PPP2R2B: variants seen among roughly 807,000 people sequenced by gnomAD.
PPP2R2B encodes the protein protein phosphatase 2 regulatory subunit Bbeta, also known as serine/threonine-protein phosphatase 2A 55 kDa regulatory subunit B beta isoform.
PPP2R2B carries 5 observed loss-of-function variants against 46.0 expected under a neutral mutation model. The observed-to-expected ratio is 0.11, with a 90% CI of 0.06 to 0.23. The LOEUF is 0.23. Ranked by LOEUF, PPP2R2B falls within the 10% of genes least tolerant of loss-of-function variation. The probability of loss-of-function intolerance (pLI) is 1.00; values close to 1 mark genes in which losing one functional copy is unlikely to be tolerated. For missense variants in PPP2R2B, 367 were observed against 575.0 expected (o/e 0.64, Z 3.70); for synonymous variants, 215 against 206.7 (o/e 1.04, Z -0.34).
intron 1 of PPP2R2B, among the ~76,000 whole-genome samples, chr5:147,033,609 G>C (rs1339059563): frequency 2.0e-5 from 3 of 152,112 alleles, no homozygotes; most frequent in East Asian, 1.9e-4. Flanking sequence ...GGAGACAGAT[G>C]GTGGGTTGGG....
intron 1 of PPP2R2B, among the ~76,000 whole-genome samples, chr5:146,956,822 G>A (rs1002374809): frequency 2.0e-5 from 3 of 152,162 alleles, no homozygotes; most frequent in African/African-American, 7.2e-5. Context: ...GTTTGCAGAT[G>A]GCCATCTTTC....
Position 147,034,039 on chromosome 5 carries a change from GC to G in PPP2R2B, c.79+21625del, listed in dbSNP as rs138966591. 8.6e-3 allele frequency among the ~76,000 whole-genome samples: 1,316 copies of G among 152,240 alleles called. 60 individuals are homozygous for G. The East Asian group carries it at 0.14, about 16-fold the overall frequency. On this transcript the variant is annotated intron_variant, in intron 1 of 8. Coordinates refer to the PPP2R2B transcript ENST00000336640. ...ACTATGGTGTTTAAGGCCATATATG[GC>G]CTAGCGCCTACCTTCCATACTGACT...
chr5:146,912,238 CAAAAAAAAA>C (rs35127306), intron 1 of PPP2R2B, among the ~76,000 whole-genome samples: 2 of 56,586 alleles, frequency 3.5e-5, no homozygotes, highest in African/African-American at 1.4e-4. Flanking sequence ...GGCTCCGTCT[CAAAAAAAAA>C]AAAAAAAAAA....
Position 146,832,379 on chromosome 5 carries a change from C to CTTTTT in PPP2R2B, c.70+45618_70+45622dup, listed in dbSNP as rs34269274. Among the ~76,000 whole-genome samples, 303 of 70,162 alleles carry CTTTTT rather than the reference C, an allele frequency of 4.3e-3. 15 individuals carry two copies. The highest frequency in any genetic ancestry group is 4.8e-3 in the Non-Finnish European group (178 of 37,362). 46.0% of individuals were successfully genotyped at this position (70,162 alleles called of 152,430 possible). ...CACAAGTAAGTGTGCCATTTTTAAT[C>CTTTTT]TTTTTTTTTTTTTTTTTTTTTTTTT... On this transcript the variant is annotated intron_variant, in intron 2 of 9. Coordinates refer to ENST00000394411, the MANE Select transcript of PPP2R2B (RefSeq NM_181675.4).
chr5:146,762,622 A>T (rs530176608), intron 2 of PPP2R2B, among the ~76,000 whole-genome samples: 1 of 152,182 alleles, frequency 6.6e-6, no homozygotes, highest in East Asian at 1.9e-4. Context: ...CATTCTATTC[A>T]TCTCCATATA....
chr5:147,042,535 GA>G (rs926434662), intron 1 of PPP2R2B, among the ~76,000 whole-genome samples: 20 of 152,090 alleles, frequency 1.3e-4, no homozygotes, highest in Admixed American at 9.8e-4. Flanking sequence ...TACTGTCCTA[GA>G]AAAAGGTAGA....
At chr5:146,938,751 CTTTTTTTTTTTTTTTT>C (rs33961672) in intron 1 of PPP2R2B, among the ~76,000 whole-genome samples, 2 of 65,974 alleles carry the variant, frequency 3.0e-5, no homozygotes, top group African/African-American at 1.3e-4. Context: ...AGATAATAGC[CTTTTTTTTTTTTTTTT>C]TTTTTTTTTT....
chr5:146,882,197 A>G (rs889605913), upstream of PPP2R2B, among the ~76,000 whole-genome samples: 6 of 151,892 alleles, frequency 4.0e-5, no homozygotes, highest in African/African-American at 1.5e-4. Flanking sequence ...GAATTGCTTG[A>G]ACCCGGGAGG....
chr5:146,968,071 T>A (rs780646119), intron 1 of PPP2R2B, among the ~76,000 whole-genome samples: 12 of 152,170 alleles, frequency 7.9e-5, no homozygotes, highest in Non-Finnish European at 1.6e-4. Context: ...GTAGAGGCCA[T>A]CCACATGCCC....
intron 1 of PPP2R2B, among the ~76,000 whole-genome samples, chr5:146,991,476 T>C (rs904198601): frequency 1.3e-5 from 2 of 152,118 alleles, no homozygotes; most frequent in African/African-American, 4.8e-5. Context: ...CAACATTACA[T>C]TAGGCAGAAA....
intron 1 of PPP2R2B, among the ~76,000 whole-genome samples, chr5:146,975,833 T>C (rs1752875685): frequency 6.6e-6 from 1 of 152,152 alleles, no homozygotes; most frequent in Non-Finnish European, 1.5e-5. Context: ...TAATTGGTTT[T>C]TTGTTGTTCA....
intron 1 of PPP2R2B, among the ~76,000 whole-genome samples, chr5:146,923,320 GC>G (rs1763673244): frequency 6.6e-6 from 1 of 152,148 alleles, no homozygotes; most frequent in Non-Finnish European, 1.5e-5. Flanking sequence ...CTTGAAACAG[GC>G]AAAATGTACC....
intron 1 of PPP2R2B, among the ~76,000 whole-genome samples, chr5:146,985,598 G>A (rs753556233): frequency 6.6e-6 from 1 of 152,036 alleles, no homozygotes; most frequent in African/African-American, 2.4e-5. Flanking sequence ...TATAGGATAA[G>A]CCCACGGCTA....
chr5:146,963,868 T>C (rs987246775), intron 1 of PPP2R2B, among the ~76,000 whole-genome samples: 4 of 152,208 alleles, frequency 2.6e-5, no homozygotes, highest in African/African-American at 7.2e-5. Flanking sequence ...ATTTCTCAAA[T>C]ATTGTATAAA....
intron 2 of PPP2R2B, among the ~76,000 whole-genome samples, chr5:146,710,297 G>C (rs1197629845): frequency 6.6e-6 from 1 of 152,176 alleles, no homozygotes; most frequent in African/African-American, 2.4e-5. Context: ...TGAAAATCCA[G>C]ATGGTGGGAA....
upstream of PPP2R2B, among the ~76,000 whole-genome samples, chr5:146,879,874 C>T (rs319209): frequency 0.039 from 5,939 of 152,234 alleles, 402 homozygotes; most frequent in African/African-American, 0.13. Context: ...TCAATGGGTA[C>T]CACTGTAGGG....
At chr5:146,946,598 C>T (rs1474414533) in intron 1 of PPP2R2B, among the ~76,000 whole-genome samples, 2 of 151,938 alleles carry the variant, frequency 1.3e-5, no homozygotes, top group East Asian at 3.9e-4. Flanking sequence ...ACTGTTAGGC[C>T]GAAAGATTAC....
chr5:146,813,091 A>G (rs1007201248), intron 2 of PPP2R2B, among the ~76,000 whole-genome samples: 1 of 150,944 alleles, frequency 6.6e-6, no homozygotes, highest in African/African-American at 2.4e-5. Context: ...GGACATATAT[A>G]TATCTACATA....
intron 5 of PPP2R2B, among the ~76,000 whole-genome samples, chr5:146,672,081 G>A (rs968913131): frequency 9.9e-5 from 15 of 152,164 alleles, no homozygotes; most frequent in African/African-American, 3.6e-4. Context: ...AGCTTGGCAG[G>A]GGGTAATTTA....
Sources: allele counts gnomAD v4.1 joint callset (sites outside exome capture counted in the v4.1 genomes callset), GRCh38; gene constraint gnomAD v4.1.1; transcripts MANE v1.5; gene names NCBI Gene and HGNC (gene_info 2026-07-23, HGNC 2026-07-21).